Variants in GALNT13 observed in about 807,000 individuals in gnomAD.
GALNT13 encodes polypeptide N-acetylgalactosaminyltransferase 13.
GALNT13 carries 28 observed loss-of-function variants against 64.2 expected under a neutral mutation model. The ratio of observed to expected loss-of-function variants is 0.44; its 90% CI spans 0.32 to 0.60. The LOEUF (loss-of-function observed/expected upper bound fraction) is 0.60, where lower values mean the gene tolerates loss of function less well. GALNT13 is among the 20% of genes least tolerant of loss of function. GALNT13 has a pLI of 0.05. For synonymous variants in GALNT13, 214 were observed against 224.6 expected (o/e 0.95, Z 0.42); for missense variants, 577 against 669.8 (o/e 0.86, Z 1.53).
chr2:153,667,504 T>C, the GALNT13 span, among the ~76,000 whole-genome samples: 1 of 152,132 alleles, frequency 6.6e-6, no homozygotes, highest in Non-Finnish European at 1.5e-5. Context: ...TTCCAACCAA[T>C]AATTTCATAT....
At chr2:153,695,701 TA>T in the GALNT13 span, among the ~76,000 whole-genome samples, 1 of 149,976 alleles carries the variant, frequency 6.7e-6, no homozygotes, top group Non-Finnish European at 1.5e-5. Flanking sequence ...ATCTATAGAT[TA>T]AATTATATTT....
intron 9 of GALNT13, among the ~76,000 whole-genome samples, chr2:154,356,822 C>T (rs969317991): frequency 1.3e-5 from 2 of 151,876 alleles, no homozygotes; most frequent in South Asian, 2.1e-4. Context: ...TTCAAATGTA[C>T]ATTAAATAAA....
At chr2:154,153,342 G>A (rs539474047) in intron 4 of GALNT13, among the ~76,000 whole-genome samples, 44 of 152,252 alleles carry the variant, frequency 2.9e-4, no homozygotes, top group Non-Finnish European at 4.4e-4. Flanking sequence ...GCCCCTACTG[G>A]GGGGTGCCTC....
chr2:153,600,308 T>C, the GALNT13 span, among the ~76,000 whole-genome samples: 55 of 152,184 alleles, frequency 3.6e-4, no homozygotes, highest in Non-Finnish European at 7.1e-4. Flanking sequence ...CATGCAATTT[T>C]ATTTTTTTTT....
chr2:153,498,516 G>A, the GALNT13 span, among the ~76,000 whole-genome samples: 1 of 152,236 alleles, frequency 6.6e-6, no homozygotes, highest in Non-Finnish European at 1.5e-5. Context: ...TGCTGTGGTG[G>A]GGCGGGCAGC....
chr2:154,427,129 A>G (rs1700506895), intron 11 of GALNT13, among the ~76,000 whole-genome samples: 1 of 152,214 alleles, frequency 6.6e-6, no homozygotes, highest in Admixed American at 6.5e-5. Context: ...GCTTACATGA[A>G]TTTGGCTTAT....
intron 2 of GALNT13, among the ~76,000 whole-genome samples, chr2:153,912,233 G>T (rs1185361482): frequency 6.6e-6 from 1 of 151,930 alleles, no homozygotes; most frequent in Admixed American, 6.6e-5. Context: ...AATTCTTGTA[G>T]TGTTTTTTTC....
intron 2 of GALNT13, among the ~76,000 whole-genome samples, chr2:153,920,492 T>C (rs936927364): frequency 6.6e-6 from 1 of 152,044 alleles, no homozygotes; most frequent in Non-Finnish European, 1.5e-5. Flanking sequence ...TCAAGATGGA[T>C]GAAAGACTTT....
At chr2:153,564,844 C>T in the GALNT13 span, among the ~76,000 whole-genome samples, 47 of 152,040 alleles carry the variant, frequency 3.1e-4, no homozygotes, top group African/African-American at 1.0e-3. Flanking sequence ...TTGCTTTATA[C>T]TGTATAAAAT....
At chr2:153,829,569 T>C in the GALNT13 span, among the ~76,000 whole-genome samples, 8 of 152,216 alleles carry the variant, frequency 5.3e-5, no homozygotes, top group African/African-American at 1.9e-4. Flanking sequence ...CCATAGCACA[T>C]GAGAATTGTG....
chr2:154,099,372 G>C (rs184545670), intron 3 of GALNT13, among the ~76,000 whole-genome samples: 65 of 152,202 alleles, frequency 4.3e-4, no homozygotes, highest in African/African-American at 1.4e-3. Context: ...TAGATTGTCA[G>C]TTTACTCTGC....
chr2:153,249,654 G>T, the GALNT13 span, among the ~76,000 whole-genome samples: 1 of 152,224 alleles, frequency 6.6e-6, no homozygotes, highest in South Asian at 2.1e-4. Flanking sequence ...AACCAAAACA[G>T]CAGGGTACTG....
At chr2:154,273,585 G>T (rs1008839756) in intron 8 of GALNT13, among the ~76,000 whole-genome samples, 1 of 152,112 alleles carries the variant, frequency 6.6e-6, no homozygotes, top group African/African-American at 2.4e-5. Context: ...GGTCCCATAG[G>T]ATACTACTGT....
At chr2:154,090,133 C>G (rs1264529598) in intron 3 of GALNT13, among the ~76,000 whole-genome samples, 1 of 151,970 alleles carries the variant, frequency 6.6e-6, no homozygotes, top group African/African-American at 2.4e-5. Flanking sequence ...TGAAAGATAT[C>G]TATGCATAAC....
the GALNT13 span, among the ~76,000 whole-genome samples, chr2:153,560,994 T>C: frequency 6.6e-6 from 1 of 152,020 alleles, no homozygotes; most frequent in East Asian, 1.9e-4. Flanking sequence ...AGTCTTTATA[T>C]TTTTCCTTAT....
At chr2:153,950,060 T>A (rs1260264504) in intron 3 of GALNT13, among the ~76,000 whole-genome samples, 1 of 61,980 alleles carries the variant, frequency 1.6e-5, no homozygotes, top group African/African-American at 6.9e-5. Flanking sequence ...CATAAAAAAA[T>A]TACTGCAAAA....
the GALNT13 span, among the ~76,000 whole-genome samples, chr2:153,286,512 G>A: frequency 1.3e-5 from 2 of 152,084 alleles, no homozygotes; most frequent in Admixed American, 1.3e-4. Flanking sequence ...AAAGTTAGGA[G>A]GAGTAATGTG....
chr2:153,899,324 T>C (rs1276190593), intron 1 of GALNT13, among the ~76,000 whole-genome samples: 2 of 152,164 alleles, frequency 1.3e-5, no homozygotes, highest in Non-Finnish European at 2.9e-5. Context: ...TCAGTCTTCT[T>C]GTCTATGAGG....
At chr2:153,777,666 GGCTT>G in the GALNT13 span, among the ~76,000 whole-genome samples, 2 of 152,146 alleles carry the variant, frequency 1.3e-5, no homozygotes, top group South Asian at 4.1e-4. Flanking sequence ...ATGGGGGTGT[GGCTT>G]GCTTCTTCAG....
Sources: allele counts gnomAD v4.1 joint callset (sites outside exome capture counted in the v4.1 genomes callset), GRCh38; gene constraint gnomAD v4.1.1; transcripts MANE v1.5; gene names NCBI Gene and HGNC (gene_info 2026-07-23, HGNC 2026-07-21).